LRP1B: variants seen among roughly 807,000 people sequenced by gnomAD.
The protein encoded by LRP1B is LDL receptor related protein 1B, also known as low-density lipoprotein receptor-related protein 1B.
A neutral mutation model predicts 556.6 loss-of-function variants in LRP1B; 217 were observed. That is an observed-to-expected ratio of 0.39 (90% CI 0.35 to 0.44). The LOEUF (loss-of-function observed/expected upper bound fraction) is 0.44, where lower values mean the gene tolerates loss of function less well. Among genes scored for constraint, LRP1B ranks in the 20% least tolerant of loss-of-function variants. The pLI, the probability that LRP1B is intolerant of heterozygous loss-of-function variation, is 1.00. For synonymous variants in LRP1B, 2,047 were observed against 1,865.8 expected (o/e 1.10, Z -2.50); for missense variants, 5,053 against 5,620.8 (o/e 0.90, Z 3.23).
intron 60 of LRP1B, among the ~76,000 whole-genome samples, chr2:140,461,758 C>T (rs925861881): frequency 1.3e-5 from 2 of 151,784 alleles, no homozygotes; most frequent in Admixed American, 6.6e-5. Flanking sequence ...CCCTTGAACC[C>T]GGGAGGCAGA....
At chr2:141,354,498 A>G (rs1394759890) in intron 3 of LRP1B, among the ~76,000 whole-genome samples, 1 of 152,128 alleles carries the variant, frequency 6.6e-6, no homozygotes, top group East Asian at 1.9e-4. Flanking sequence ...AAAGAGAACC[A>G]TTAATTAAAG....
intron 31 of LRP1B, among the ~76,000 whole-genome samples, chr2:140,825,705 T>A (rs966548607): frequency 6.7e-6 from 1 of 148,830 alleles, no homozygotes; most frequent in Non-Finnish European, 1.5e-5. Flanking sequence ...ATTGTGGAAT[T>A]TTTTTTTTCT....
At chr2:141,083,387 TA>T (rs559929650) in intron 7 of LRP1B, among the ~76,000 whole-genome samples, 5,777 of 134,814 alleles carry the variant, frequency 0.043, 147 homozygotes, top group African/African-American at 0.074. Context: ...CAGGGATGAT[TA>T]AAAAAAAAAA....
At chr2:141,148,464 C>T (rs1264120309) in intron 7 of LRP1B, among the ~76,000 whole-genome samples, 2 of 152,078 alleles carry the variant, frequency 1.3e-5, no homozygotes, top group Non-Finnish European at 2.9e-5. Flanking sequence ...GGAGAAGCCA[C>T]GTGGAGAGAA....
intron 2 of LRP1B, among the ~76,000 whole-genome samples, chr2:141,718,818 G>C (rs1283592963): frequency 6.6e-6 from 1 of 152,122 alleles, no homozygotes; most frequent in South Asian, 2.1e-4. Flanking sequence ...TTAGTTCTAG[G>C]AACAGGAATT....
chr2:140,322,961 C>G (rs139178365), intron 81 of LRP1B, among the ~76,000 whole-genome samples: 1 of 151,956 alleles, frequency 6.6e-6, no homozygotes, highest in East Asian at 1.9e-4. Context: ...AACCTTGGAA[C>G]CTTATATGCC....
At chr2:140,276,060 C>T (rs986537730) in intron 84 of LRP1B, among the ~76,000 whole-genome samples, 9 of 151,784 alleles carry the variant, frequency 5.9e-5, no homozygotes, top group Non-Finnish European at 1.0e-4. Flanking sequence ...TGATTCCAGA[C>T]TTTGTGTTTA....
At chr2:140,683,420 T>C (rs1411591168) in intron 41 of LRP1B, 7 of 535,226 alleles carry the variant, frequency 1.3e-5, no homozygotes, top group East Asian at 1.3e-4. Context: ...GGGTTATCAG[T>C]TGAGGTGGAT....
intron 7 of LRP1B, among the ~76,000 whole-genome samples, chr2:141,096,929 G>T (rs1331234873): frequency 1.3e-5 from 2 of 152,090 alleles, no homozygotes; most frequent in African/African-American, 4.8e-5. Context: ...AGTTGGTCCT[G>T]CATTGCCAAC....
chr2:140,249,527 A>G (rs1681312242), intron 86 of LRP1B, among the ~76,000 whole-genome samples: 1 of 151,528 alleles, frequency 6.6e-6, no homozygotes, highest in Non-Finnish European at 1.5e-5. Context: ...TATTTTACTT[A>G]TTATATATTG....
intron 7 of LRP1B, among the ~76,000 whole-genome samples, chr2:141,144,185 CTTAGAG>C (rs1180757408): frequency 2.0e-5 from 3 of 152,048 alleles, no homozygotes; most frequent in Non-Finnish European, 4.4e-5. Flanking sequence ...TCAACCTTAC[CTTAGAG>C]TTAATAGTAT....
intron 2 of LRP1B, among the ~76,000 whole-genome samples, chr2:141,646,901 A>G (rs1327932924): frequency 6.6e-6 from 1 of 152,206 alleles, no homozygotes; most frequent in African/African-American, 2.4e-5. Flanking sequence ...CAAGGGGGGA[A>G]CAAGCTCCAG....
intron 18 of LRP1B, among the ~76,000 whole-genome samples, chr2:140,960,376 A>T (rs1057504802): frequency 2.0e-5 from 3 of 151,822 alleles, no homozygotes; most frequent in Non-Finnish European, 4.4e-5. Context: ...CCCAACATGT[A>T]AAAAACAACA....
chr2:140,681,034 A>G (rs2105377360), intron 41 of LRP1B, among the ~76,000 whole-genome samples: 1 of 152,364 alleles, frequency 6.6e-6, no homozygotes. Context: ...AAGTCACAGG[A>G]AAATGAAACT....
chr2:141,212,683 A>G (rs1287725474), intron 6 of LRP1B, among the ~76,000 whole-genome samples: 2 of 152,112 alleles, frequency 1.3e-5, no homozygotes, highest in Non-Finnish European at 2.9e-5. Flanking sequence ...AAGAAAATAT[A>G]GTTCTCTAGG....
At chr2:141,950,182 G>A (rs1330203697) in intron 1 of LRP1B, among the ~76,000 whole-genome samples, 3 of 151,862 alleles carry the variant, frequency 2.0e-5, no homozygotes, top group African/African-American at 7.3e-5. Context: ...TTCTAGATAG[G>A]CTTTAAAATG....
At chr2:140,345,424 CTTAT>C (rs1404574874) in intron 77 of LRP1B, among the ~76,000 whole-genome samples, 2 of 151,338 alleles carry the variant, frequency 1.3e-5, no homozygotes, top group African/African-American at 2.4e-5. Flanking sequence ...TCTATATCTT[CTTAT>C]TTATTTTCTC....
chr2:141,390,583 T>G (rs76896602), intron 3 of LRP1B, among the ~76,000 whole-genome samples: 13,749 of 152,310 alleles, frequency 0.09, 1,012 homozygotes, highest in African/African-American at 0.2. Flanking sequence ...ACATACAATG[T>G]AATATTATTC....
At chr2:141,449,352 G>A (rs1681321941) in intron 3 of LRP1B, among the ~76,000 whole-genome samples, 1 of 152,050 alleles carries the variant, frequency 6.6e-6, no homozygotes, top group Non-Finnish European at 1.5e-5. Flanking sequence ...ATAATTTTTG[G>A]AGTACACAAA....
Sources: allele counts gnomAD v4.1 joint callset (sites outside exome capture counted in the v4.1 genomes callset), GRCh38; gene constraint gnomAD v4.1.1; transcripts MANE v1.5; gene names NCBI Gene and HGNC (gene_info 2026-07-23, HGNC 2026-07-21).